Variants in WWOX observed in about 807,000 individuals in gnomAD.
The protein encoded by WWOX is WW domain-containing oxidoreductase.
A neutral mutation model predicts 46.2 loss-of-function variants in WWOX; 69 were observed. The ratio of observed to expected loss-of-function variants is 1.49; its 90% CI spans 1.23 to 1.82. WWOX has a LOEUF of 1.82. Ranked by LOEUF, WWOX falls within the 40% of genes most tolerant of loss-of-function variation. The pLI, the probability that WWOX is intolerant of heterozygous loss-of-function variation, is 0.00. For synonymous variants in WWOX, 359 were observed against 202.6 expected (o/e 1.77, Z -6.56); for missense variants, 919 against 542.6 (o/e 1.69, Z -6.89).
At chr16:78,912,283 C>G (rs1019498191) in intron 8 of WWOX, among the ~76,000 whole-genome samples, 4 of 152,064 alleles carry the variant, frequency 2.6e-5, no homozygotes, top group African/African-American at 9.7e-5. Flanking sequence ...TGAAGTCTCA[C>G]TGTGTGCCAG....
chr16:78,627,853 A>T (rs1186792198), intron 8 of WWOX, among the ~76,000 whole-genome samples: 1 of 152,236 alleles, frequency 6.6e-6, no homozygotes, highest in Non-Finnish European at 1.5e-5. Context: ...AGTGTTAGTC[A>T]ACATCAAATG....
chr16:78,948,202 C>CT (rs1356260673), intron 8 of WWOX, among the ~76,000 whole-genome samples: 1 of 152,202 alleles, frequency 6.6e-6, no homozygotes, highest in Non-Finnish European at 1.5e-5. Context: ...GAAATGCAGA[C>CT]TTGCTCAAGA....
intron 5 of WWOX, among the ~76,000 whole-genome samples, chr16:78,378,929 C>T (rs576967242): frequency 5.9e-5 from 9 of 152,294 alleles, no homozygotes; most frequent in East Asian, 1.9e-4. Context: ...CCCGGTGTTA[C>T]GTCTTCAAGA....
chr16:78,436,791 T>A (rs141571148), intron 8 of WWOX, among the ~76,000 whole-genome samples: 1 of 152,324 alleles, frequency 6.6e-6, no homozygotes, highest in East Asian at 1.9e-4. Context: ...CCAGACTGAC[T>A]GGAAAAGTCA....
rs73582799 is a variant in WWOX at position 79,180,522 on chromosome 16, C to G, written c.1057-31086C>G. 8.6e-3 allele frequency among the ~76,000 whole-genome samples: 1,312 copies of G among 152,164 alleles called. 19 individuals carry two copies. Among genetic ancestry groups the G allele is most frequent in the African/African-American group, 0.03 (1,261 of 41,510 alleles). On this transcript the variant is annotated intron_variant, in intron 8 of 8. Coordinates refer to ENST00000566780, the MANE Select transcript of WWOX (RefSeq NM_016373.4). ...CTTCGTGAGCCTCCTTGTGGACCCT[C>G]AAATGTGGGAAGGAGATAGGGGCAG...
At chr16:78,538,857 TG>T (rs1470952406) in intron 8 of WWOX, among the ~76,000 whole-genome samples, 1 of 152,234 alleles carries the variant, frequency 6.6e-6, no homozygotes, top group Non-Finnish European at 1.5e-5. Flanking sequence ...TCTGTTCATT[TG>T]GTCCTGAATA....
At chr16:78,515,178 C>G (rs140758824) in intron 8 of WWOX, among the ~76,000 whole-genome samples, 66 of 152,214 alleles carry the variant, frequency 4.3e-4, no homozygotes, top group African/African-American at 1.4e-3. Flanking sequence ...GAACCGAGAT[C>G]GTGTCACTGC....
At chr16:78,951,745 G>C (rs747513891) in intron 8 of WWOX, among the ~76,000 whole-genome samples, 1 of 152,120 alleles carries the variant, frequency 6.6e-6, no homozygotes, top group African/African-American at 2.4e-5. Flanking sequence ...CCCATGGAAG[G>C]GGTGAGAGAG....
Position 78,166,020 on chromosome 16 carries a change from T to A in WWOX, c.516+1731T>A, listed in dbSNP as rs544898285. Among the ~76,000 whole-genome samples, 10 of 151,878 alleles carry A rather than the reference T, an allele frequency of 6.6e-5. No homozygotes were observed. In the Middle Eastern group the frequency reaches 0.01, roughly 156 times the overall value. On this transcript the variant is annotated intron_variant, in intron 5 of 8. Coordinates refer to ENST00000566780, the MANE Select transcript of WWOX (RefSeq NM_016373.4). ...AGTACAAATGGGAATACGTGCATCT[T>A]ATTTGAATCTACACGCAGAATGGGA...
chr16:78,887,059 CTA>C (rs1307189525), intron 8 of WWOX, among the ~76,000 whole-genome samples: 3 of 110,294 alleles, frequency 2.7e-5, no homozygotes, highest in African/African-American at 9.5e-5. Context: ...GACAGTCTGG[CTA>C]TATGTGTGTG....
At chr16:78,632,488 A>G (rs574490170) in intron 8 of WWOX, among the ~76,000 whole-genome samples, 1 of 150,822 alleles carries the variant, frequency 6.6e-6, no homozygotes, top group South Asian at 2.1e-4. Context: ...GAAACGAGCA[A>G]GGTGTTGATA....
chr16:79,180,157 A>G (rs1246330213), intron 8 of WWOX, among the ~76,000 whole-genome samples: 4 of 152,202 alleles, frequency 2.6e-5, no homozygotes, highest in Admixed American at 6.5e-5. Context: ...GGTCACGGGT[A>G]CATCAAAACG....
At chr16:78,578,018 G>T (rs929491290) in intron 8 of WWOX, among the ~76,000 whole-genome samples, 5 of 151,832 alleles carry the variant, frequency 3.3e-5, no homozygotes, top group Non-Finnish European at 5.9e-5. Flanking sequence ...GAGGAAAAAA[G>T]TATACCGCCA....
chr16:78,990,674 A>G (rs2046869740), intron 8 of WWOX, among the ~76,000 whole-genome samples: 1 of 152,080 alleles, frequency 6.6e-6, no homozygotes. Context: ...GGAAAAAGAG[A>G]GAGGGAGAAG....
chr16:78,322,015 C>G (rs1042606544), intron 5 of WWOX, among the ~76,000 whole-genome samples: 2 of 152,186 alleles, frequency 1.3e-5, no homozygotes, highest in Non-Finnish European at 2.9e-5. Context: ...TGCATGAGAA[C>G]AGCAGCTAAA....
chr16:78,429,431 G>A (rs995057117), intron 7 of WWOX, among the ~76,000 whole-genome samples: 1 of 152,156 alleles, frequency 6.6e-6, no homozygotes, highest in African/African-American at 2.4e-5. Context: ...ATGATATCCA[G>A]CTGTGGAAGA....
chr16:79,110,345 C>A (rs900456073), intron 8 of WWOX, among the ~76,000 whole-genome samples: 3 of 152,152 alleles, frequency 2.0e-5, no homozygotes, highest in Admixed American at 2.0e-4. Flanking sequence ...CAACCTCCCC[C>A]CATCATTCCA....
At chr16:78,522,641 A>G (rs2043374096) in intron 8 of WWOX, among the ~76,000 whole-genome samples, 1 of 152,262 alleles carries the variant, frequency 6.6e-6, no homozygotes, top group Admixed American at 6.5e-5. Context: ...ATGGTATTCT[A>G]TAGCAACACT....
intron 8 of WWOX, among the ~76,000 whole-genome samples, chr16:78,587,224 CAG>C (rs2045231590): frequency 3.2e-5 from 3 of 94,934 alleles, no homozygotes; most frequent in African/African-American, 1.3e-4. Flanking sequence ...TTTGTAGAAA[CAG>C]AGTCTCTCTA....
Sources: gnomAD v4.1 joint callset for allele counts (sites outside exome capture counted in the v4.1 genomes callset) on GRCh38, gnomAD v4.1.1 for gene constraint, MANE v1.5 for transcripts, NCBI Gene and HGNC (gene_info 2026-07-23, HGNC 2026-07-21) for gene names.